CHUK: variants seen among roughly 807,000 people sequenced by gnomAD.
The protein encoded by CHUK is component of inhibitor of nuclear factor kappa B kinase complex.
CHUK carries 35 observed loss-of-function variants against 104.8 expected under a neutral mutation model. That is an observed-to-expected ratio of 0.33 (90% CI 0.26 to 0.44). The LOEUF (loss-of-function observed/expected upper bound fraction) is 0.44. CHUK is among the 20% of genes least tolerant of loss of function. The pLI is 1.00. For synonymous variants in CHUK, 276 were observed against 291.9 expected, an observed-to-expected ratio of 0.95 and a Z score of 0.56; for missense variants, 663 against 902.7, an observed-to-expected ratio of 0.73 and a Z score of 3.40.
Position 100,193,360 on chromosome 10 carries a change from C to G in CHUK, c.2046G>C (p.Trp682Cys). Reference protein sequence around the residue: ...EGAVTPQTSAWLPPTSAEHDH... With the variant: ...EGAVTPQTSACLPPTSAEHDH... ...CATGTTCTGCTGAAGTCGGGGGCAG[C>G]CATGCTGATGTCTGAGGGGTTACTG... is the stretch of plus-strand genomic sequence containing the variant. Residue 682 changes from tryptophan (W) to cysteine (C), a missense_variant, in exon 19 of 21, where the codon TGG (tryptophan) becomes TGC (cysteine). Physicochemically the swap from Trp to Cys is radical, Grantham distance 215 (BLOSUM62 -2). This residue lies in a region of CHUK where 311 missense variants were observed against 393.4 expected (regional missense o/e 0.79). Transcript: ENST00000370397. The G allele has an allele frequency of 6.2e-7, 1 of 1,614,088 alleles. No homozygotes were observed. Among genetic ancestry groups the G allele is most frequent in the Non-Finnish European group, 8.5e-7 (1 of 1,179,954 alleles).
rs1001353203 is a variant in CHUK at position 100,213,140 on chromosome 10, T to C, written c.934-3351A>G. 2.0e-5 allele frequency among the ~76,000 whole-genome samples: 3 copies of C among 152,056 alleles called. No homozygotes were observed. In the South Asian group the frequency reaches 6.2e-4, roughly 32 times the overall value. On this transcript the variant is annotated intron_variant, in intron 9 of 20. Transcript: ENST00000370397. ...ATCTGATCACTACACAGTGCATGTATTGAAACATCACTATTTACCCCATTA... is the reference window on the plus strand; with the variant it reads ...ATCTGATCACTACACAGTGCATGTACTGAAACATCACTATTTACCCCATTA...
chr10:100,219,018 G>T lies in CHUK; in HGVS notation c.679C>A (p.Pro227Thr). ...TCATCCATTTCTTACCAGGTAAATG[G>T]CTGCAGATGATGCAAAAAAGGCCTA... ...GYRPFLHHLQ[P>T]FTWHEKIKKK... The change falls in exon 7 of 21, where the codon CCA becomes ACA. Residue 227 changes from proline (P) to threonine (T), a missense_variant. By Grantham distance (38) the Pro-to-Thr change is conservative (BLOSUM62 -1). This residue lies in a region of CHUK where 200 missense variants were observed against 333.0 expected (regional missense o/e 0.60). Coordinates refer to ENST00000370397, the MANE Select transcript of CHUK (RefSeq NM_001278.5). 1 of 1,613,958 alleles carries T rather than the reference G, an allele frequency of 6.2e-7. No individual in the cohort carries two copies. The highest frequency in any genetic ancestry group is 8.5e-7 in the Non-Finnish European group (1 of 1,179,926).
chr10:100,226,946 G>C (rs1440971499), intron 1 of CHUK, among the ~76,000 whole-genome samples: 1 of 152,200 alleles, frequency 6.6e-6, no homozygotes, highest in Non-Finnish European at 1.5e-5. Context: ...CTGGTGCATA[G>C]AGAAGAAGGA....
chr10:100,186,869 A>G (rs1480275142), downstream of CHUK: 1 of 152,268 alleles, frequency 6.6e-6, no homozygotes. Context: ...CTAGGGTTGT[A>G]AAGTCCTCTA....
chr10:100,214,130 G>A (rs573891789), intron 9 of CHUK, among the ~76,000 whole-genome samples: 1 of 152,246 alleles, frequency 6.6e-6, no homozygotes, highest in East Asian at 1.9e-4. Flanking sequence ...CAGGATATTA[G>A]AGTATGTCAT....
rs774941247 is a variant in CHUK at position 100,222,932 on chromosome 10, C to T, written c.249G>A (p.Leu83=). ...VVKACDVPEE[L]NILIHDVPLL... is the part of the protein sequence containing the mutation. The stretch of plus-strand genomic sequence containing the variant: ...GAGGCACATCATGAATCAAAATATT[C>T]AATTCTTCAGGAACATCACAGGCCT... The change falls in exon 3 of 21, where the codon TTG becomes TTA. Residue 83 remains leucine (L), a synonymous_variant. Transcript: ENST00000370397. 1.9e-6 allele frequency: 3 copies of T among 1,609,438 alleles called. No homozygotes were observed. In the East Asian group the frequency reaches 6.7e-5, roughly 36 times the overall value.
intron 1 of CHUK, among the ~76,000 whole-genome samples, chr10:100,228,989 G>A (rs1199275646): frequency 1.1e-4 from 8 of 73,834 alleles, no homozygotes; most frequent in East Asian, 8.7e-4. Context: ...GCGCGCGCGC[G>A]CGCGCACACA....
chr10:100,201,469 A>G (rs920725108), intron 14 of CHUK, among the ~76,000 whole-genome samples: 2 of 152,334 alleles, frequency 1.3e-5, no homozygotes, highest in African/African-American at 4.8e-5. Flanking sequence ...CAGCCATCCT[A>G]TCTAAACCAG....
chr10:100,214,660 G>T (rs1845811303), intron 9 of CHUK, among the ~76,000 whole-genome samples: 1 of 152,204 alleles, frequency 6.6e-6, no homozygotes, highest in African/African-American at 2.4e-5. Flanking sequence ...GCATTAGTAA[G>T]AGATAAGTCC....
At chr10:100,191,717 T>C (rs565612680) in intron 19 of CHUK, among the ~76,000 whole-genome samples, 1 of 152,366 alleles carries the variant, frequency 6.6e-6, no homozygotes, top group South Asian at 2.1e-4. Flanking sequence ...TAGAATGACA[T>C]TCTGATTCAG....
chr10:100,189,665 A>G, intron 20 of CHUK, 38 bp from the exon 21 acceptor site: 1 of 1,524,292 alleles, frequency 6.6e-7, no homozygotes, highest in Non-Finnish European at 9.1e-7. Flanking sequence ...TTAGATGTTG[A>G]CTATAAGTTA....
intron 20 of CHUK, chr10:100,190,020 CTT>C (rs10549639): frequency 0.012 from 1,593 of 136,556 alleles, 24 homozygotes; most frequent in African/African-American, 0.036. Context: ...CACCATTATC[CTT>C]TTTTTTTTTT....
rs1435044820 is a variant in CHUK at position 100,189,207 on chromosome 10, T to C, written c.*391A>G. The stretch of plus-strand genomic sequence containing the variant: ...ATTACTTGAGGTTTTCTTCTCTGTA[T>C]ACAAAACTACATTTGGTCTTACGCC... On this transcript the variant is annotated 3_prime_UTR_variant, in exon 21 of 21. Transcript: ENST00000370397. 1 of 179,012 alleles carries C rather than the reference T, an allele frequency of 5.6e-6. No homozygotes were observed. Among genetic ancestry groups the C allele is most frequent in the Non-Finnish European group, 1.2e-5 (1 of 84,034 alleles). The allele number at this position is 179,012 out of a possible 1,614,324, so 11.1% of individuals were successfully genotyped here.
intron 10 of CHUK, 68 bp downstream of exon 10, chr10:100,209,513 TCCAAGTATGCATAA>T: frequency 2.3e-6 from 2 of 852,632 alleles, no homozygotes; most frequent in Non-Finnish European, 4.0e-6. Context: ...CCCAAGGAAT[TCCAAGTATGCATAA>T]AAATTGCAGG....
chr10:100,202,513 ACCATAAGAAGCT>A (rs1845493929), intron 13 of CHUK, among the ~76,000 whole-genome samples: 1 of 152,206 alleles, frequency 6.6e-6, no homozygotes, highest in Admixed American at 6.5e-5. Flanking sequence ...TGGCTAGCAG[ACCATAAGAAGCT>A]AGAGAGAAAC....
intron 10 of CHUK, among the ~76,000 whole-genome samples, chr10:100,208,200 G>A (rs1845635664): frequency 6.6e-6 from 1 of 152,040 alleles, no homozygotes; most frequent in African/African-American, 2.4e-5. Context: ...CAACCTCCCT[G>A]GGCTCAAGTG....
chr10:100,198,327 C>T (rs1188981132), intron 16 of CHUK, among the ~76,000 whole-genome samples: 1 of 152,162 alleles, frequency 6.6e-6, no homozygotes, highest in Non-Finnish European at 1.5e-5. Context: ...CCCATTTCAT[C>T]ACACAAAATA....
chr10:100,229,264 A>G (rs951347872), intron 1 of CHUK, among the ~76,000 whole-genome samples, 164 bp downstream of exon 1: 2 of 152,128 alleles, frequency 1.3e-5, no homozygotes, highest in Admixed American at 1.3e-4. Flanking sequence ...ACACACAGGC[A>G]TAGTATCTTT....
Position 100,219,284 on chromosome 10 carries a change from T to C in CHUK, c.550A>G (p.Thr184Ala). The change falls in exon 6 of 21, where the codon ACA (threonine) becomes GCA (alanine). Residue 184 changes from threonine to alanine, a missense_variant. Thr to Ala is a moderately conservative substitution (Grantham distance 58). Transcript: ENST00000370397. ...QGSLCTSFVG[T>A]LQYLAPELFE... Reference sequence around the variant, plus strand: ...ACAGGTCTCACCAGATACTGCAGTGTTCCCACAAAAGATGTACACAGACTT... The same window carrying C: ...ACAGGTCTCACCAGATACTGCAGTGCTCCCACAAAAGATGTACACAGACTT... 1.3e-6 allele frequency: 2 copies of C among 1,598,322 alleles called. No individual in the cohort carries two copies. The highest frequency in any genetic ancestry group is 1.7e-6 in the Non-Finnish European group (2 of 1,165,600).
Sources: gnomAD v4.1 joint callset for allele counts (sites outside exome capture counted in the v4.1 genomes callset) on GRCh38, gnomAD v4.1.1 for gene constraint, gnomAD v4.1.1 regional missense constraint, MANE v1.5 for transcripts, NCBI Gene and HGNC (gene_info 2026-07-23, HGNC 2026-07-21) for gene names.